The following PTPRG variants were observed in gnomAD, a reference collection of about 807,000 sequenced individuals.
PTPRG encodes receptor-type tyrosine-protein phosphatase gamma.
PTPRG carries 102 observed loss-of-function variants against 165.3 expected under a neutral mutation model. The ratio of observed to expected loss-of-function variants is 0.62; its 90% CI spans 0.53 to 0.73. The LOEUF (loss-of-function observed/expected upper bound fraction) is 0.73. Ranked by LOEUF, PTPRG falls within the 30% of genes least tolerant of loss-of-function variation. The pLI, the probability that PTPRG is intolerant of heterozygous loss-of-function variation, is 0.00. For synonymous variants in PTPRG, 675 were observed against 669.5 expected (o/e 1.01, Z -0.13); for missense variants, 1,866 against 1,861.4 (o/e 1.00, Z -0.05).
chr3:62,266,596 G>A (rs1390075455), intron 17 of PTPRG, among the ~76,000 whole-genome samples: 1 of 151,810 alleles, frequency 6.6e-6, no homozygotes, highest in Non-Finnish European at 1.5e-5. Context: ...CAAAAACATA[G>A]AGGGCTCTCA....
chr3:62,042,781 C>T (rs1322473714), intron 4 of PTPRG, among the ~76,000 whole-genome samples: 1 of 152,164 alleles, frequency 6.6e-6, no homozygotes, highest in Non-Finnish European at 1.5e-5. Context: ...ACCCTTTAGG[C>T]CCTACGAATC....
chr3:61,595,260 A>G (rs183968428), intron 1 of PTPRG, among the ~76,000 whole-genome samples: 1 of 150,890 alleles, frequency 6.6e-6, no homozygotes, highest in African/African-American at 2.5e-5. Flanking sequence ...ATTTGTTTCT[A>G]TGCTAGGTGC....
rs556974355 is a variant in PTPRG at position 62,206,912 on chromosome 3, C to CAAA, written c.2155+2987_2155+2989dup. Among the ~76,000 whole-genome samples the CAAA allele has an allele frequency of 3.4e-3, 128 of 37,318 alleles. 11 individuals are homozygous for CAAA. Among genetic ancestry groups the CAAA allele is most frequent in the South Asian group, 7.2e-3 (4 of 554 alleles). 24.5% of individuals were successfully genotyped at this position (37,318 alleles called of 152,430 possible). On this transcript the variant is annotated intron_variant, in intron 12 of 29. Coordinates refer to ENST00000474889, the MANE Select transcript of PTPRG (RefSeq NM_002841.4). Reference sequence around the variant, plus strand: ...CCACTGACAGAGCAAGACTCTGTCTCAAAAAAAAAAAAAAAAAAAAAAAAA... The same window carrying CAAA: ...CCACTGACAGAGCAAGACTCTGTCTCAAAAAAAAAAAAAAAAAAAAAAAAAAAA...
intron 5 of PTPRG, among the ~76,000 whole-genome samples, chr3:62,081,255 T>G (rs1701563833): frequency 1.1e-5 from 1 of 94,232 alleles, no homozygotes; most frequent in African/African-American, 6.0e-5. Flanking sequence ...AGACTCCGTC[T>G]CAAAACAAAC....
At chr3:61,826,129 TAAA>T (rs1246492188) in intron 2 of PTPRG, among the ~76,000 whole-genome samples, 1 of 152,222 alleles carries the variant, frequency 6.6e-6, no homozygotes, top group Non-Finnish European at 1.5e-5. Flanking sequence ...TATCTTAAGT[TAAA>T]ATGTTTTTTT....
intron 2 of PTPRG, among the ~76,000 whole-genome samples, chr3:61,905,485 A>G (rs917255584): frequency 6.6e-6 from 1 of 152,150 alleles, no homozygotes; most frequent in African/African-American, 2.4e-5. Flanking sequence ...CATGTGCTGT[A>G]TTGAACTTTT....
At chr3:61,722,992 C>T (rs900122622) in intron 1 of PTPRG, among the ~76,000 whole-genome samples, 1 of 150,984 alleles carries the variant, frequency 6.6e-6, no homozygotes, top group Non-Finnish European at 1.5e-5. Flanking sequence ...GAGCAGAGGT[C>T]GATGATAAAT....
intron 2 of PTPRG, among the ~76,000 whole-genome samples, chr3:61,837,783 G>A (rs1450737976): frequency 6.6e-6 from 1 of 152,128 alleles, no homozygotes; most frequent in East Asian, 1.9e-4. Flanking sequence ...CCACAAACTG[G>A]GTGACTTAAC....
intron 8 of PTPRG, among the ~76,000 whole-genome samples, chr3:62,191,155 T>C (rs1371232807): frequency 1.3e-5 from 2 of 151,820 alleles, no homozygotes; most frequent in African/African-American, 4.8e-5. Flanking sequence ...CGTGCACGTG[T>C]GTGTGCGCAT....
intron 1 of PTPRG, among the ~76,000 whole-genome samples, chr3:61,611,400 C>T (rs1246316668): frequency 1.3e-5 from 2 of 152,068 alleles, no homozygotes; most frequent in African/African-American, 2.4e-5. Context: ...ATTTTTTTCC[C>T]ACTCAATGTT....
chr3:61,612,070 G>C (rs1701186489), intron 1 of PTPRG, among the ~76,000 whole-genome samples: 1 of 152,148 alleles, frequency 6.6e-6, no homozygotes, highest in Admixed American at 6.5e-5. Flanking sequence ...AGCCTCCCGA[G>C]TGGCTGGGAC....
At position 62,228,096 on chromosome 3, in the gene PTPRG, T is replaced by A. The variant is rs932945905; in HGVS notation, c.2289-3129T>A. On this transcript the variant is annotated intron_variant, in intron 13 of 29. Coordinates refer to ENST00000474889, the MANE Select transcript of PTPRG (RefSeq NM_002841.4). This position sits in a 1 kb window ranked among gnomAD's most constrained non-coding sequence, Gnocchi z 4.1. The stretch of plus-strand genomic sequence containing the variant: ...GTGGTTGATTTTGCATTCCCCTGGG[T>A]TGCAATAGTGATCAAGGAAAATAGT... Among the ~76,000 whole-genome samples the A allele has an allele frequency of 3.9e-5, 6 of 151,942 alleles. No homozygotes were observed. Among genetic ancestry groups the A allele is most frequent in the Non-Finnish European group, 8.8e-5 (6 of 67,992 alleles).
chr3:61,828,993 G>A (rs761884358), intron 2 of PTPRG, among the ~76,000 whole-genome samples: 19 of 152,142 alleles, frequency 1.2e-4, no homozygotes, highest in Non-Finnish European at 1.9e-4. Context: ...TGTAGGTTTT[G>A]TCAGCATCTG....
chr3:62,171,438 A>G, intron 8 of PTPRG, among the ~76,000 whole-genome samples: 1 of 152,328 alleles, frequency 6.6e-6, no homozygotes, highest in African/African-American at 2.4e-5. Flanking sequence ...TACATACCAT[A>G]ATATACAGCT....
intron 1 of PTPRG, chr3:61,659,217 A>G (rs1702594911): frequency 2.4e-5 from 18 of 744,998 alleles, no homozygotes; most frequent in Non-Finnish European, 2.9e-5. Flanking sequence ...TTGTAGCTCC[A>G]TAGCCGTCAG....
At chr3:61,940,683 T>A (rs4688274) in intron 2 of PTPRG, among the ~76,000 whole-genome samples, 101 of 148,384 alleles carry the variant, frequency 6.8e-4, no homozygotes, top group East Asian at 2.7e-3. Flanking sequence ...TTTATTTTTT[T>A]GACAGAGTCT....
chr3:61,638,591 GTTTTTTT>G (rs34396141), intron 1 of PTPRG, among the ~76,000 whole-genome samples: 57 of 58,718 alleles, frequency 9.7e-4, no homozygotes, highest in Non-Finnish European at 1.4e-3. Context: ...TGCCTGGCTA[GTTTTTTT>G]TTTTTTTTTT....
chr3:61,959,925 C>T (rs1179869113), intron 2 of PTPRG, among the ~76,000 whole-genome samples: 2 of 152,078 alleles, frequency 1.3e-5, no homozygotes, highest in Admixed American at 6.5e-5. Context: ...CTGCCCCTAA[C>T]GTTCTGTGCT....
At position 62,271,499 on chromosome 3, in the gene PTPRG, G is replaced by C. The variant is rs979316747; in HGVS notation, c.3126G>C (p.Val1042=). 6.2e-7 allele frequency: 1 copy of C among 1,613,886 alleles called. No homozygotes were observed. The highest frequency in any genetic ancestry group is 1.3e-5 in the African/African-American group (1 of 74,940). ...PEYALPVLTF[V]RRSSAARMPE... ...ATGCCCTTCCAGTACTGACTTTCGT[G>C]AGGAGATCCTCAGCAGCTCGGATGC... Residue 1042 remains valine (V), a synonymous_variant, in exon 21 of 30, where the codon GTG becomes GTC. Transcript: ENST00000474889. The surrounding 1 kb of genome is among the most constrained non-coding windows in gnomAD (Gnocchi z 4.1).
Sources: allele counts gnomAD v4.1 joint callset (sites outside exome capture counted in the v4.1 genomes callset), GRCh38; gene constraint gnomAD v4.1.1; non-coding constraint Gnocchi (gnomAD v3.1); transcripts MANE v1.5; gene names NCBI Gene and HGNC (gene_info 2026-07-23, HGNC 2026-07-21).